XPO6: variants seen among roughly 807,000 people sequenced by gnomAD.
XPO6 encodes exportin 6, also known as exportin-6.
XPO6 carries 3 observed loss-of-function variants against 130.0 expected under a neutral mutation model. The observed-to-expected ratio is 0.02, with a 90% CI of 0.01 to 0.06. XPO6 has a LOEUF of 0.06. Among genes scored for constraint, XPO6 ranks in the 10% least tolerant of loss-of-function variants. XPO6 has a pLI of 1.00. For synonymous variants in XPO6, 524 were observed against 548.9 expected, an observed-to-expected ratio of 0.95 and a Z score of 0.63; for missense variants, 970 against 1,393.0, an observed-to-expected ratio of 0.70 and a Z score of 4.83.
intron 13 of XPO6, among the ~76,000 whole-genome samples, chr16:28,125,307 A>T (rs2087367544): frequency 6.6e-6 from 1 of 152,194 alleles, no homozygotes; most frequent in Non-Finnish European, 1.5e-5. Context: ...TTATCCTATG[A>T]GGAAAGACAT....
chr16:28,139,541 A>G (rs2141778158), intron 9 of XPO6, among the ~76,000 whole-genome samples: 1 of 152,328 alleles, frequency 6.6e-6, no homozygotes, highest in South Asian at 2.1e-4. Flanking sequence ...GAGCTATAAA[A>G]TATGAATGAT....
At chr16:28,153,395 C>T (rs1479097103) in intron 7 of XPO6, 2 of 984,950 alleles carry the variant, frequency 2.0e-6, no homozygotes, top group Non-Finnish European at 2.4e-6. Flanking sequence ...CTGATGCTTC[C>T]GTTTTGCAGA....
intron 4 of XPO6, among the ~76,000 whole-genome samples, chr16:28,175,541 T>C (rs1388811625): frequency 6.6e-6 from 1 of 152,120 alleles, no homozygotes; most frequent in African/African-American, 2.4e-5. Flanking sequence ...ATAATTACCA[T>C]ATTGTTGAGT....
intron 1 of XPO6, among the ~76,000 whole-genome samples, chr16:28,203,373 A>G (rs1313139869): frequency 6.6e-6 from 1 of 152,106 alleles, no homozygotes; most frequent in Non-Finnish European, 1.5e-5. Context: ...TAGAGTGGCA[A>G]CCACACTTTC....
At chr16:28,210,476 C>T (rs1037512362) in intron 1 of XPO6, among the ~76,000 whole-genome samples, 6 of 152,178 alleles carry the variant, frequency 3.9e-5, no homozygotes, top group Non-Finnish European at 7.3e-5. Flanking sequence ...GATAAGGGTT[C>T]AAACAATTTG....
Position 28,132,831 on chromosome 16 carries a change from G to T in XPO6, c.1537-428C>A, listed in dbSNP as rs1049675333. 2.0e-5 allele frequency among the ~76,000 whole-genome samples: 3 copies of T among 152,084 alleles called. No individual in the cohort carries two copies. Among genetic ancestry groups the T allele is most frequent in the Non-Finnish European group, 2.9e-5 (2 of 68,028 alleles). ...GTCAGCTATGCCTTATTAAGCACATGGTAAAGTGATAAGATTGGCCAAATT... is the reference window on the plus strand; with the variant it reads ...GTCAGCTATGCCTTATTAAGCACATTGTAAAGTGATAAGATTGGCCAAATT... On this transcript the variant is annotated intron_variant, in intron 11 of 23. Coordinates refer to ENST00000304658, the MANE Select transcript of XPO6 (RefSeq NM_015171.4). This position sits in a 1 kb window ranked among gnomAD's most constrained non-coding sequence, Gnocchi z 4.0.
chr16:28,147,443 G>GAAAGA (rs10547160), intron 8 of XPO6, among the ~76,000 whole-genome samples: 140,518 of 151,562 alleles, frequency 0.93, 66,038 homozygotes, highest in East Asian at 1. Context: ...GGAAGAAAAA[G>GAAAGA]AAAGAAAAAA....
intron 8 of XPO6, among the ~76,000 whole-genome samples, chr16:28,147,463 G>A (rs2043005204): frequency 6.6e-6 from 1 of 151,160 alleles, no homozygotes; most frequent in Admixed American, 6.6e-5. Context: ...AGAAAAGAGT[G>A]TAACTTAAAA....
intron 8 of XPO6, among the ~76,000 whole-genome samples, chr16:28,152,019 T>C (rs1195886222): frequency 2.0e-5 from 3 of 152,206 alleles, no homozygotes; most frequent in Non-Finnish European, 4.4e-5. Flanking sequence ...GTGAATTTCA[T>C]GGTATATAAA....
At chr16:28,174,102 C>T (rs1215317359) in intron 4 of XPO6, among the ~76,000 whole-genome samples, 1 of 152,160 alleles carries the variant, frequency 6.6e-6, no homozygotes, top group Non-Finnish European at 1.5e-5. Context: ...CCATAACCGT[C>T]CTCAACTTGG....
At chr16:28,208,209 A>C (rs1253224649) in intron 1 of XPO6, among the ~76,000 whole-genome samples, 1 of 152,224 alleles carries the variant, frequency 6.6e-6, no homozygotes, top group Admixed American at 6.5e-5. Flanking sequence ...GATGCTTAAT[A>C]AGTGGTAGTT....
At chr16:28,136,701 C>G (rs937068928) in intron 9 of XPO6, among the ~76,000 whole-genome samples, 7 of 152,190 alleles carry the variant, frequency 4.6e-5, no homozygotes, top group Non-Finnish European at 7.3e-5. Flanking sequence ...AATAAGAACC[C>G]AACTCAGAAG....
chr16:28,186,605 A>C (rs2043699929), intron 1 of XPO6, among the ~76,000 whole-genome samples: 1 of 151,406 alleles, frequency 6.6e-6, no homozygotes, highest in Non-Finnish European at 1.5e-5. Context: ...CCTGACTTCA[A>C]GTGATCCTCC....
At chr16:28,107,424 C>T (rs1288981858) in intron 18 of XPO6, 98 bp downstream of exon 18, 1 of 1,406,492 alleles carries the variant, frequency 7.1e-7, no homozygotes, top group Non-Finnish European at 9.9e-7. Context: ...CAAGTCAAGG[C>T]CTGTACTGCA....
chr16:28,188,651 C>T (rs1410895750), intron 1 of XPO6, among the ~76,000 whole-genome samples: 2 of 123,808 alleles, frequency 1.6e-5, no homozygotes, highest in African/African-American at 3.1e-5. Context: ...ACTCTCACTT[C>T]CCTACACCCT....
intron 23 of XPO6, among the ~76,000 whole-genome samples, chr16:28,099,671 C>T (rs879860611): frequency 3.9e-5 from 6 of 152,220 alleles, no homozygotes; most frequent in Non-Finnish European, 7.3e-5. Flanking sequence ...AGAAGGCTTA[C>T]TCGAGCCAAG....
At chr16:28,159,431 G>T (rs901102422) in intron 6 of XPO6, among the ~76,000 whole-genome samples, 1 of 152,144 alleles carries the variant, frequency 6.6e-6, no homozygotes, top group Non-Finnish European at 1.5e-5. Context: ...AAACACCTCA[G>T]TCAGACTTCT....
At chr16:28,121,154 A>G (rs1382654591) in intron 14 of XPO6, among the ~76,000 whole-genome samples, 1 of 152,226 alleles carries the variant, frequency 6.6e-6, no homozygotes, top group Non-Finnish European at 1.5e-5. Context: ...TCCTGCTTCA[A>G]AATAACCTGG....
chr16:28,153,479 C>T lies in XPO6; in HGVS notation c.1098-694G>A, dbSNP rs140236168. 1,214 of 985,386 alleles carry T rather than the reference C, an allele frequency of 1.2e-3. 1 individual carries two copies. Among genetic ancestry groups the T allele is most frequent in the Admixed American group, 1.7e-3 (28 of 16,294 alleles). 61.0% of individuals were successfully genotyped at this position (985,386 alleles called of 1,614,324 possible). On this transcript the variant is annotated intron_variant, in intron 7 of 23. Coordinates refer to ENST00000304658, the MANE Select transcript of XPO6 (RefSeq NM_015171.4). ...CATGGCAGAACAGGACTATCATCCA[C>T]TCCCAATCCAGTGCTCTTTCTTTTC...
Sources: gnomAD v4.1 joint callset for allele counts (sites outside exome capture counted in the v4.1 genomes callset) on GRCh38, gnomAD v4.1.1 for gene constraint, Gnocchi (gnomAD v3.1) non-coding constraint, MANE v1.5 for transcripts, NCBI Gene and HGNC (gene_info 2026-07-23, HGNC 2026-07-21) for gene names.